RIPPLY3: variants seen among roughly 807,000 people sequenced by gnomAD.
RIPPLY3 encodes ripply transcriptional repressor 3, also known as protein ripply3.
Under a neutral mutation model 11.9 loss-of-function variants are expected in RIPPLY3, and 8 were observed. The ratio of observed to expected loss-of-function variants is 0.67; its 90% CI spans 0.40 to 1.21. RIPPLY3 has a LOEUF of 1.21. RIPPLY3 is among the 50% of genes most tolerant of loss of function. RIPPLY3 has a pLI of 0.01. For synonymous variants in RIPPLY3, 102 were observed against 99.0 expected (o/e 1.03, Z -0.18); for missense variants, 271 against 246.0 (o/e 1.10, Z -0.68).
intron 1 of RIPPLY3, among the ~76,000 whole-genome samples, chr21:37,007,935 C>T (rs958917037): frequency 6.6e-6 from 1 of 152,166 alleles, no homozygotes; most frequent in African/African-American, 2.4e-5. Flanking sequence ...GACCTCCCTT[C>T]TCAAAGCTTA....
At chr21:37,008,563 G>A (rs1030098619) in intron 2 of RIPPLY3, among the ~76,000 whole-genome samples, 12 of 152,056 alleles carry the variant, frequency 7.9e-5, no homozygotes, top group Admixed American at 7.9e-4. Flanking sequence ...TTCGTGACCA[G>A]CCTGGCCAAG....
intron 2 of RIPPLY3, among the ~76,000 whole-genome samples, chr21:37,008,462 A>G (rs936030119): frequency 6.6e-6 from 1 of 152,086 alleles, no homozygotes; most frequent in African/African-American, 2.4e-5. Flanking sequence ...ACCCACTATA[A>G]AAGCATAATC....
intron 2 of RIPPLY3, among the ~76,000 whole-genome samples, chr21:37,010,770 G>T (rs1036740794): frequency 1.3e-5 from 2 of 152,134 alleles, no homozygotes; most frequent in African/African-American, 2.4e-5. Flanking sequence ...CCCTAGCCCG[G>T]TCAGAGACTC....
Position 37,010,420 on chromosome 21 carries a change from G to T in RIPPLY3, c.171+2197G>T, listed in dbSNP as rs537756703. 5.3e-5 allele frequency among the ~76,000 whole-genome samples: 8 copies of T among 152,274 alleles called. 1 individual carries two copies. In the South Asian group the frequency reaches 1.7e-3, roughly 32 times the overall value. Reference sequence around the variant, plus strand: ...AAGCAGGAGGATCGCTTGAACCTGGGAGGCAGAGGTTGCAGTGAGCTGAGA... The same window carrying T: ...AAGCAGGAGGATCGCTTGAACCTGGTAGGCAGAGGTTGCAGTGAGCTGAGA... On this transcript the variant is annotated intron_variant, in intron 2 of 3. Transcript: ENST00000329553.
intron 2 of RIPPLY3, among the ~76,000 whole-genome samples, chr21:37,010,689 G>A (rs565544882): frequency 1.3e-5 from 2 of 152,256 alleles, no homozygotes; most frequent in South Asian, 4.1e-4. Context: ...CAGGGAGGCA[G>A]TTTCCTGGAA....
chr21:37,016,367 C>T (rs1417296156), intron 3 of RIPPLY3, among the ~76,000 whole-genome samples: 1 of 152,096 alleles, frequency 6.6e-6, no homozygotes, highest in East Asian at 1.9e-4. Flanking sequence ...TATTGGATAT[C>T]TTATGAAGTA....
chr21:37,008,354 G>A, intron 2 of RIPPLY3, 131 bp downstream of exon 2: 1 of 862,384 alleles, frequency 1.2e-6, no homozygotes, highest in South Asian at 1.7e-5. Flanking sequence ...GAGCGCCTCG[G>A]GGTCTGGGAG....
intron 2 of RIPPLY3, among the ~76,000 whole-genome samples, chr21:37,008,992 C>T (rs79701370): frequency 5.0e-4 from 76 of 152,098 alleles, no homozygotes; most frequent in African/African-American, 1.7e-3. Context: ...GCCCCCACCC[C>T]GCGTCTGGCC....
chr21:37,012,212 TTTA>T (rs35315761), intron 2 of RIPPLY3, among the ~76,000 whole-genome samples: 36,681 of 132,046 alleles, frequency 0.28, 5,622 homozygotes, highest in Non-Finnish European at 0.38. Context: ...CCGCTCCTTA[TTTA>T]TTATTATTAT....
chr21:37,008,835 T>C (rs916207658), intron 2 of RIPPLY3, among the ~76,000 whole-genome samples: 4 of 151,202 alleles, frequency 2.6e-5, no homozygotes, highest in Non-Finnish European at 5.9e-5. Context: ...CGGTTTCTTC[T>C]GCAAAGCAAC....
intron 3 of RIPPLY3, among the ~76,000 whole-genome samples, chr21:37,014,723 T>C (rs1228382764): frequency 6.6e-6 from 1 of 152,176 alleles, no homozygotes; most frequent in East Asian, 1.9e-4. Context: ...TTGTATGCCT[T>C]ACACCAATAG....
chr21:37,015,875 A>ATTTTT (rs1213665501), intron 3 of RIPPLY3, among the ~76,000 whole-genome samples: 1 of 121,984 alleles, frequency 8.2e-6, no homozygotes, highest in Non-Finnish European at 1.7e-5. Context: ...CACCCAGCTA[A>ATTTTT]TTTTTTTTTT....
intron 2 of RIPPLY3, among the ~76,000 whole-genome samples, chr21:37,012,362 C>T (rs569807635): frequency 4.7e-4 from 72 of 152,046 alleles, no homozygotes; most frequent in African/African-American, 1.7e-3. Context: ...CTCAGCCTCC[C>T]GAGTAGTTGG....
intron 3 of RIPPLY3, among the ~76,000 whole-genome samples, chr21:37,013,873 C>G (rs2069551565): frequency 6.6e-6 from 1 of 152,166 alleles, no homozygotes; most frequent in Non-Finnish European, 1.5e-5. Context: ...ATTTCTACTT[C>G]TCATTACAAA....
intron 1 of RIPPLY3, among the ~76,000 whole-genome samples, chr21:37,007,400 CTTTTTTTT>C (rs895853940): frequency 2.7e-4 from 23 of 86,296 alleles, no homozygotes; most frequent in African/African-American, 6.0e-4. Flanking sequence ...AAGATTCCCT[CTTTTTTTT>C]TTTTTTTTTT....
At chr21:37,010,620 C>T (rs1011211690) in intron 2 of RIPPLY3, among the ~76,000 whole-genome samples, 2 of 152,256 alleles carry the variant, frequency 1.3e-5, no homozygotes, top group South Asian at 2.1e-4. Flanking sequence ...TCTCCCTCCC[C>T]TACCTGCACC....
chr21:37,007,065 C>G (rs1318497392), intron 1 of RIPPLY3, among the ~76,000 whole-genome samples, 189 bp downstream of exon 1: 1 of 152,262 alleles, frequency 6.6e-6, no homozygotes, highest in East Asian at 1.9e-4. Context: ...GCTCAGTTCT[C>G]CGGTTCCAAC....
chr21:37,014,097 C>A (rs1307178179), intron 3 of RIPPLY3, among the ~76,000 whole-genome samples: 3 of 152,080 alleles, frequency 2.0e-5, no homozygotes, highest in African/African-American at 7.2e-5. Context: ...AGGTGGATCA[C>A]CTGAGGTCAG....
At chr21:37,013,522 T>C in intron 2 of RIPPLY3, 29 bp from the exon 3 acceptor site, 1 of 1,604,030 alleles carries the variant, frequency 6.2e-7, no homozygotes. Context: ...CTGCACTGTC[T>C]CTGTGTTTGT....
Sources: allele counts gnomAD v4.1 joint callset (sites outside exome capture counted in the v4.1 genomes callset), GRCh38; gene constraint gnomAD v4.1.1; transcripts MANE v1.5; gene names NCBI Gene and HGNC (gene_info 2026-07-23, HGNC 2026-07-21).